ATP10B: variants seen among roughly 807,000 people sequenced by gnomAD.
ATP10B encodes the protein ATPase phospholipid transporting 10B (putative), also known as phospholipid-transporting ATPase VB.
A neutral mutation model predicts 141.2 loss-of-function variants in ATP10B; 122 were observed. The observed-to-expected ratio is 0.86, with a 90% CI of 0.75 to 1.00. The LOEUF (loss-of-function observed/expected upper bound fraction) is 1.00. Ranked by LOEUF, ATP10B falls within the 50% of genes least tolerant of loss-of-function variation. The pLI is 0.00. For synonymous variants in ATP10B, 685 were observed against 692.0 expected (o/e 0.99, Z 0.16); for missense variants, 1,876 against 1,825.3 (o/e 1.03, Z -0.51).
chr5:160,670,887 C>T (rs1312846203), intron 6 of ATP10B, among the ~76,000 whole-genome samples: 1 of 152,026 alleles, frequency 6.6e-6, no homozygotes, highest in Non-Finnish European at 1.5e-5. Flanking sequence ...CTGTCTTTGG[C>T]CGGGTGTGGT....
intron 10 of ATP10B, among the ~76,000 whole-genome samples, chr5:160,637,598 T>C (rs6888425): frequency 0.87 from 133,063 of 152,250 alleles, 58,349 homozygotes; most frequent in African/African-American, 0.91. Context: ...ACACGCATTA[T>C]CTGAGGATTA....
At chr5:160,811,364 C>G (rs1368499951) in intron 1 of ATP10B, among the ~76,000 whole-genome samples, 2 of 152,106 alleles carry the variant, frequency 1.3e-5, no homozygotes, top group South Asian at 4.1e-4. Flanking sequence ...AGTAGAGAAC[C>G]AAGTGGGTTC....
intron 1 of ATP10B, among the ~76,000 whole-genome samples, chr5:160,807,646 C>G (rs1252635967): frequency 6.6e-6 from 1 of 152,054 alleles, no homozygotes; most frequent in Non-Finnish European, 1.5e-5. Context: ...GGATGGACCT[C>G]CATAGTGATA....
At chr5:160,645,201 C>G (rs1050769711) in intron 8 of ATP10B, among the ~76,000 whole-genome samples, 1 of 151,358 alleles carries the variant, frequency 6.6e-6, no homozygotes, top group African/African-American at 2.4e-5. Context: ...CTTCCTGTCA[C>G]TTTAAAAAAC....
At chr5:160,923,248 A>G in the ATP10B span, among the ~76,000 whole-genome samples, 1 of 152,202 alleles carries the variant, frequency 6.6e-6, no homozygotes, top group Non-Finnish European at 1.5e-5. Context: ...ACACTTGTGC[A>G]TGATCTTGTG....
chr5:160,910,237 T>C, the ATP10B span, among the ~76,000 whole-genome samples: 1 of 152,192 alleles, frequency 6.6e-6, no homozygotes, highest in East Asian at 1.9e-4. Context: ...TGGTTCCTTT[T>C]ACATTCAGGT....
intron 1 of ATP10B, among the ~76,000 whole-genome samples, chr5:160,803,221 A>G (rs1052621146): frequency 2.0e-4 from 30 of 152,316 alleles, no homozygotes; most frequent in African/African-American, 6.5e-4. Context: ...AGGTTGTGCT[A>G]TATGGATTAA....
the ATP10B span, among the ~76,000 whole-genome samples, chr5:160,885,630 G>A: frequency 9.3e-4 from 142 of 152,264 alleles, no homozygotes; most frequent in African/African-American, 3.2e-3. Flanking sequence ...GAAAAAACAT[G>A]GCATAGAATG....
the ATP10B span, among the ~76,000 whole-genome samples, chr5:160,887,285 A>G: frequency 1.3e-5 from 2 of 152,194 alleles, no homozygotes; most frequent in South Asian, 2.1e-4. Context: ...TCATCTCTAT[A>G]TTACTTATAA....
intron 1 of ATP10B, among the ~76,000 whole-genome samples, chr5:160,807,317 T>C (rs56287477): frequency 0.33 from 50,806 of 151,890 alleles, 9,673 homozygotes; most frequent in East Asian, 0.43. Flanking sequence ...CTGTAAACCA[T>C]TTTTTTTGGC....
chr5:160,863,957 G>A, the ATP10B span, among the ~76,000 whole-genome samples: 914 of 151,920 alleles, frequency 6.0e-3, 12 homozygotes, highest in African/African-American at 0.021. Context: ...ATAATAAAAC[G>A]TATTGCCAAC....
chr5:160,586,713 C>T (rs961848848), intron 24 of ATP10B, among the ~76,000 whole-genome samples: 9 of 152,162 alleles, frequency 5.9e-5, no homozygotes, highest in Non-Finnish European at 1.3e-4. Flanking sequence ...ATTTGCATTT[C>T]TCTAATGATC....
At chr5:160,880,804 G>C in the ATP10B span, among the ~76,000 whole-genome samples, 14 of 152,098 alleles carry the variant, frequency 9.2e-5, no homozygotes, top group Non-Finnish European at 1.9e-4. Context: ...AAATGGATTA[G>C]AGACCTAAAT....
intron 22 of ATP10B, among the ~76,000 whole-genome samples, chr5:160,592,133 T>G (rs1163601323): frequency 6.6e-6 from 1 of 152,102 alleles, no homozygotes; most frequent in Non-Finnish European, 1.5e-5. Context: ...TGCCACCTGA[T>G]GGCTTCTCAG....
chr5:160,716,516 A>C (rs988200728), intron 3 of ATP10B, among the ~76,000 whole-genome samples: 1 of 152,204 alleles, frequency 6.6e-6, no homozygotes, highest in Non-Finnish European at 1.5e-5. Context: ...GTGCTTTAAC[A>C]CTATGCTTGC....
chr5:160,652,895 A>ATAAT (rs1206569364), intron 7 of ATP10B, among the ~76,000 whole-genome samples: 1 of 68,194 alleles, frequency 1.5e-5, no homozygotes, highest in African/African-American at 6.5e-5. Flanking sequence ...ATAATTATAT[A>ATAAT]ATATATTATA....
intron 2 of ATP10B, among the ~76,000 whole-genome samples, chr5:160,737,177 G>A (rs1337596639): frequency 2.0e-5 from 3 of 152,156 alleles, no homozygotes; most frequent in Middle Eastern, 3.2e-3. Context: ...GTTATTTGGT[G>A]CTGAAAAGTA....
intron 7 of ATP10B, among the ~76,000 whole-genome samples, chr5:160,653,606 CATATATACATATATATTATAT>C (rs1561705191): frequency 2.7e-5 from 1 of 37,068 alleles, no homozygotes; most frequent in African/African-American, 6.3e-5. Context: ...TACATATATA[CATATATACATATATATTATAT>C]ATACATATAT....
At chr5:160,836,569 A>G (rs756511857) in intron 1 of ATP10B, among the ~76,000 whole-genome samples, 1 of 151,850 alleles carries the variant, frequency 6.6e-6, no homozygotes, top group Non-Finnish European at 1.5e-5. Context: ...CACACCCTAC[A>G]TTCTCTTCAT....
Sources: gnomAD v4.1 joint callset for allele counts (sites outside exome capture counted in the v4.1 genomes callset) on GRCh38, gnomAD v4.1.1 for gene constraint, MANE v1.5 for transcripts, NCBI Gene and HGNC (gene_info 2026-07-23, HGNC 2026-07-21) for gene names.